Variants in PTPRD observed in about 807,000 individuals in gnomAD.
PTPRD encodes the protein protein tyrosine phosphatase receptor type D, also known as receptor-type tyrosine-protein phosphatase delta.
PTPRD carries 34 observed loss-of-function variants against 214.5 expected under a neutral mutation model. The observed-to-expected ratio is 0.16, with a 90% CI of 0.12 to 0.21. The LOEUF (loss-of-function observed/expected upper bound fraction) is 0.21. Among genes scored for constraint, PTPRD ranks in the 10% least tolerant of loss-of-function variants. The pLI, the probability that PTPRD is intolerant of heterozygous loss-of-function variation, is 1.00. For missense variants in PTPRD, 2,545 were observed against 2,398.7 expected (o/e 1.06, Z -1.27); for synonymous variants, 1,128 against 845.7 (o/e 1.33, Z -5.79).
At chr9:9,406,395 G>C (rs1481397184) in intron 8 of PTPRD, among the ~76,000 whole-genome samples, 1 of 151,876 alleles carries the variant, frequency 6.6e-6, no homozygotes, top group Non-Finnish European at 1.5e-5. Context: ...AATTAAGAAA[G>C]TAAGAGATAG....
intron 11 of PTPRD, among the ~76,000 whole-genome samples, chr9:8,937,261 G>A (rs1048563655): frequency 1.3e-5 from 2 of 152,106 alleles, no homozygotes; most frequent in African/African-American, 2.4e-5. Flanking sequence ...AGACAGTCAG[G>A]AATCAAAGAA....
At chr9:9,787,143 A>T in intron 5 of PTPRD, among the ~76,000 whole-genome samples, 1 of 126,800 alleles carries the variant, frequency 7.9e-6, no homozygotes, top group South Asian at 2.7e-4. Flanking sequence ...TCTCAATTTA[A>T]TAAAAAAAAA....
intron 3 of PTPRD, among the ~76,000 whole-genome samples, chr9:10,253,807 A>C (rs1242010898): frequency 1.3e-5 from 2 of 152,198 alleles, no homozygotes; most frequent in Admixed American, 6.5e-5. Context: ...TTTCACAGGG[A>C]ATGAAATGCT....
chr9:9,864,891 T>C (rs535541218), intron 5 of PTPRD, among the ~76,000 whole-genome samples: 17 of 152,290 alleles, frequency 1.1e-4, no homozygotes, highest in Middle Eastern at 3.4e-3. Flanking sequence ...TTCTAGAAGA[T>C]TTCATCTTTA....
chr9:9,136,823 GA>G (rs1483436344), intron 10 of PTPRD, among the ~76,000 whole-genome samples: 1 of 152,120 alleles, frequency 6.6e-6, no homozygotes, highest in African/African-American at 2.4e-5. Context: ...AACTATGGAA[GA>G]ATTTTGGAAG....
In PTPRD at chr9:8,497,333, A is replaced by G. The variant is rs573132826; in HGVS notation, c.2323-65T>C. Reference sequence around the variant, plus strand: ...AAAGAAAAAGAATTTAAAGCCTTATACAGGCAGTGTTGCCCTTGTTAGATT... The same window carrying G: ...AAAGAAAAAGAATTTAAAGCCTTATGCAGGCAGTGTTGCCCTTGTTAGATT... On this transcript the variant is annotated intron_variant, in intron 25 of 45. Coordinates refer to ENST00000381196, the MANE Select transcript of PTPRD (RefSeq NM_002839.4). 9 of 1,386,140 alleles carry G rather than the reference A, an allele frequency of 6.5e-6. No individual in the cohort carries two copies. The Admixed American group carries it at 1.4e-4, about 21-fold the overall frequency. The allele number at this position is 1,386,140 out of a possible 1,614,324, so 85.9% of individuals were successfully genotyped here. A position where few individuals can be genotyped will look rare whatever the true frequency, so the allele number is the denominator to read the frequency against.
intron 3 of PTPRD, among the ~76,000 whole-genome samples, chr9:10,288,714 C>A (rs1262360969): frequency 6.6e-6 from 1 of 152,152 alleles, no homozygotes; most frequent in Non-Finnish European, 1.5e-5. Context: ...TTAAAAGCAT[C>A]TCTGGCATGA....
At chr9:9,099,398 C>T (rs754133419) in intron 10 of PTPRD, among the ~76,000 whole-genome samples, 4 of 152,216 alleles carry the variant, frequency 2.6e-5, no homozygotes, top group African/African-American at 4.8e-5. Flanking sequence ...TTGTGTATTG[C>T]TAATCATGTT....
chr9:8,530,518 GTACTTATTAAC>G (rs1230912356), intron 14 of PTPRD, among the ~76,000 whole-genome samples: 1 of 151,932 alleles, frequency 6.6e-6, no homozygotes, highest in Non-Finnish European at 1.5e-5. Flanking sequence ...CCACTGTCTT[GTACTTATTAAC>G]TCATGAGTTT....
At chr9:9,380,803 C>G (rs1049820939) in intron 9 of PTPRD, among the ~76,000 whole-genome samples, 6 of 152,120 alleles carry the variant, frequency 3.9e-5, no homozygotes, top group Non-Finnish European at 7.4e-5. Context: ...ATTGTGGATT[C>G]TTCCATTTCT....
chr9:8,995,743 GTTATATAC>G (rs2099394159), intron 11 of PTPRD, among the ~76,000 whole-genome samples: 1 of 151,436 alleles, frequency 6.6e-6, no homozygotes, highest in African/African-American at 2.4e-5. Context: ...GTTTCACAGT[GTTATATAC>G]TGGTTCCTAA....
intron 3 of PTPRD, among the ~76,000 whole-genome samples, chr9:10,176,039 A>G (rs2099246628): frequency 6.6e-6 from 1 of 151,996 alleles, no homozygotes; most frequent in Admixed American, 6.6e-5. Context: ...ATTGTGAACA[A>G]TATTTGTTTG....
chr9:8,690,681 C>T (rs2097784478), intron 12 of PTPRD, among the ~76,000 whole-genome samples: 1 of 151,834 alleles, frequency 6.6e-6, no homozygotes, highest in African/African-American at 2.4e-5. Context: ...AGGTAACTGA[C>T]AGAGGGGGGA....
At chr9:8,510,001 G>A (rs1204813291) in intron 21 of PTPRD, among the ~76,000 whole-genome samples, 2 of 152,086 alleles carry the variant, frequency 1.3e-5, no homozygotes, top group Admixed American at 1.3e-4. Flanking sequence ...TTGTGGTTCA[G>A]GCTTAGGCAT....
At chr9:9,421,694 C>T (rs2078865187) in intron 8 of PTPRD, among the ~76,000 whole-genome samples, 1 of 152,002 alleles carries the variant, frequency 6.6e-6, no homozygotes, top group South Asian at 2.1e-4. Flanking sequence ...GAAAATGATA[C>T]TAACCAAAAG....
chr9:9,624,275 TTTTTTG>T (rs751165014), intron 7 of PTPRD, among the ~76,000 whole-genome samples: 7 of 151,826 alleles, frequency 4.6e-5, no homozygotes, highest in African/African-American at 1.5e-4. Flanking sequence ...AGCTAGTTTT[TTTTTTG>T]TTTGTTTGTT....
intron 9 of PTPRD, among the ~76,000 whole-genome samples, chr9:9,328,359 T>C (rs1217558143): frequency 6.6e-6 from 1 of 152,066 alleles, no homozygotes; most frequent in Non-Finnish European, 1.5e-5. Flanking sequence ...AGACATCTTT[T>C]GTTATTGTTG....
At chr9:9,535,474 A>C (rs2076322158) in intron 8 of PTPRD, among the ~76,000 whole-genome samples, 1 of 152,102 alleles carries the variant, frequency 6.6e-6, no homozygotes, top group Admixed American at 6.6e-5. Flanking sequence ...ATGTCCAGTG[A>C]CTTAAGCTCA....
intron 10 of PTPRD, among the ~76,000 whole-genome samples, chr9:9,139,372 G>C (rs554554959): frequency 1.2e-4 from 19 of 152,254 alleles, no homozygotes; most frequent in Admixed American, 2.6e-4. Context: ...TATAGTCCCA[G>C]TTTTCAATAA....
Sources: allele counts gnomAD v4.1 joint callset (sites outside exome capture counted in the v4.1 genomes callset), GRCh38; gene constraint gnomAD v4.1.1; transcripts MANE v1.5; gene names NCBI Gene and HGNC (gene_info 2026-07-23, HGNC 2026-07-21).